The following SCCPDH variants were observed in gnomAD, a reference collection of about 807,000 sequenced individuals.
The protein encoded by SCCPDH is saccharopine dehydrogenase-like oxidoreductase.
Under a neutral mutation model 51.5 loss-of-function variants are expected in SCCPDH, and 34 were observed. The observed-to-expected ratio is 0.66, with a 90% confidence interval of 0.50 to 0.88. The LOEUF is 0.88. Among genes scored for constraint, SCCPDH ranks in the 40% least tolerant of loss-of-function variants. The pLI, the probability that SCCPDH is intolerant of heterozygous loss-of-function variation, is 0.00. For synonymous variants in SCCPDH, 187 were observed against 191.3 expected (o/e 0.98, Z 0.19); for missense variants, 464 against 527.1 (o/e 0.88, Z 1.17).
At chr1:246,760,262 T>G in intron 9 of SCCPDH, 35 bp downstream of exon 9, 1 of 1,552,710 alleles carries the variant, frequency 6.4e-7, no homozygotes, top group Non-Finnish European at 8.8e-7. Flanking sequence ...TAAAATAATA[T>G]TTTTCTTTGT....
At position 246,724,603 on chromosome 1, in the gene SCCPDH, C is replaced by A. The variant is rs1668359216; in HGVS notation, c.181C>A (p.Leu61Met). 6.7e-7 allele frequency: 1 copy of A among 1,500,410 alleles called. No homozygotes were observed. Among genetic ancestry groups the A allele is most frequent in the East Asian group, 2.9e-5 (1 of 34,790 alleles). 92.9% of individuals were successfully genotyped at this position (1,500,410 alleles called of 1,614,324 possible). ...KLQRVLEKAA[L>M]KLGRPTLSSE... is the part of the protein sequence containing the mutation. ...GCAGCGGGTGCTGGAGAAGGCGGCC[C>A]TGAAGCTGGGTACAGCGGCGGGGCG... The change falls in exon 1 of 12, where the codon CTG (leucine) becomes ATG (methionine). Residue 61 changes from leucine to methionine, a missense_variant. Coordinates refer to ENST00000366510, the MANE Select transcript of SCCPDH (RefSeq NM_016002.3).
At chr1:246,744,046 T>G (rs1288973158) in intron 4 of SCCPDH, 30 bp from the exon 5 acceptor site, 3 of 1,401,884 alleles carry the variant, frequency 2.1e-6, no homozygotes, top group Non-Finnish European at 3.0e-6. Flanking sequence ...TTATTTTATT[T>G]TGCTTTTTAC....
At chr1:246,749,034 G>T (rs778582881) in intron 5 of SCCPDH, among the ~76,000 whole-genome samples, 1 of 152,220 alleles carries the variant, frequency 6.6e-6, no homozygotes, top group Non-Finnish European at 1.5e-5. Flanking sequence ...TTAATATCAG[G>T]CTGGAGGCCA....
chr1:246,760,245 A>C lies in SCCPDH; in HGVS notation c.990+18A>C. 6.3e-7 allele frequency: 1 copy of C among 1,581,224 alleles called. No homozygotes were observed. Among genetic ancestry groups the C allele is most frequent in the Non-Finnish European group, 8.6e-7 (1 of 1,159,850 alleles). On this transcript the variant is annotated intron_variant, in intron 9 of 11. Coordinates refer to ENST00000366510, the MANE Select transcript of SCCPDH (RefSeq NM_016002.3). ...AAAAACAGGTAATTTCTTTTGTATT[A>C]AGACACTAAAATAATATTTTTCTTT...
intron 5 of SCCPDH, among the ~76,000 whole-genome samples, chr1:246,746,245 C>T (rs184623703): frequency 1.8e-3 from 277 of 152,006 alleles, no homozygotes; most frequent in Admixed American, 3.9e-3. Flanking sequence ...CTAAGGGGGT[C>T]CACGTGAGAG....
chr1:246,744,082 T>A lies in SCCPDH; in HGVS notation c.521T>A (p.Leu174Ter). ...IYTRNKMNGT[L>*]TAVESFLTIH... ...CATTCTCCTACTCTTTTAGGTACTT[T>A]GACTGCTGTGGAAAGTTTCCTGACT... The change falls in exon 5 of 12, where the codon TTG (leucine) becomes TAG (stop). Residue 174 changes from leucine to a stop codon, truncating the protein, a stop_gained. Coordinates refer to ENST00000366510, the MANE Select transcript of SCCPDH (RefSeq NM_016002.3). LOFTEE classifies it high-confidence loss of function. 1 of 1,596,398 alleles carries A rather than the reference T, an allele frequency of 6.3e-7. No homozygotes were observed. The highest frequency in any genetic ancestry group is 8.6e-7 in the Non-Finnish European group (1 of 1,165,920).
At chr1:246,726,652 GA>G (rs1036403718) in intron 1 of SCCPDH, among the ~76,000 whole-genome samples, 4 of 152,104 alleles carry the variant, frequency 2.6e-5, no homozygotes, top group African/African-American at 9.7e-5. Context: ...GCTTTGATTC[GA>G]TTTTTTTTAA....
At position 246,761,686 on chromosome 1, in the gene SCCPDH, A is replaced by G. The variant is rs191311456; in HGVS notation, c.990+1459A>G. ...GTGACTGGCTTATTTCACCTAGCGT[A>G]AGGTCTTCAAGGTTCATCCATATTG... On this transcript the variant is annotated intron_variant, in intron 9 of 11. Transcript: ENST00000366510. Among the ~76,000 whole-genome samples, 7 of 152,316 alleles carry G rather than the reference A, an allele frequency of 4.6e-5. No individual in the cohort carries two copies. In the East Asian group the frequency reaches 1.2e-3, roughly 25 times the overall value.
chr1:246,727,689 G>A (rs1668423815), intron 2 of SCCPDH, among the ~76,000 whole-genome samples: 2 of 152,190 alleles, frequency 1.3e-5, no homozygotes, highest in African/African-American at 2.4e-5. Context: ...TGAAATGAGA[G>A]CAAATTGCAT....
intron 5 of SCCPDH, among the ~76,000 whole-genome samples, chr1:246,747,459 G>A (rs1164851794): frequency 6.6e-6 from 1 of 152,168 alleles, no homozygotes; most frequent in African/African-American, 2.4e-5. Context: ...GCCAAAGCAT[G>A]TGGGTCACCT....
At chr1:246,757,545 C>G (rs992505894) in intron 5 of SCCPDH, among the ~76,000 whole-genome samples, 12 of 151,812 alleles carry the variant, frequency 7.9e-5, no homozygotes, top group African/African-American at 2.9e-4. Flanking sequence ...AAATGAGAGT[C>G]TGAGTAAGAT....
chr1:246,764,050 C>T (rs78598399), intron 9 of SCCPDH, among the ~76,000 whole-genome samples, 196 bp from the exon 10 acceptor site: 2,454 of 152,210 alleles, frequency 0.016, 64 homozygotes, highest in African/African-American at 0.057. Context: ...CCCAACATCA[C>T]GCCAGTCTTC....
intron 5 of SCCPDH, among the ~76,000 whole-genome samples, chr1:246,749,546 C>A (rs1372051256): frequency 6.6e-6 from 1 of 152,158 alleles, no homozygotes; most frequent in Non-Finnish European, 1.5e-5. Context: ...CTCTGGGGAG[C>A]AGCAGTCGTC....
In SCCPDH at chr1:246,744,108, A is replaced by G. The variant is rs141926725; in HGVS notation, c.547A>G (p.Ile183Val). The G allele has an allele frequency of 2.5e-3, 3,980 of 1,601,562 alleles. 12 individuals are homozygous for G. The highest frequency in any genetic ancestry group is 2.7e-3 in the Non-Finnish European group (3,138 of 1,170,782). ...GACTGCTGTGGAAAGTTTCCTGACT[A>G]TACATTCAGGACCTGAGGTTGGTTT... ...TLTAVESFLT[I>V]HSGPEGLSIH... Residue 183 changes from isoleucine to valine, a missense_variant, in exon 5 of 12, where the codon ATA becomes GTA. Transcript: ENST00000366510.
rs1432256931 is a variant in SCCPDH, at chr1:246,744,130, G to GT, written c.564+11dup. On this transcript the variant is annotated splice_donor_region_variant and intron_variant, in intron 5 of 11. Coordinates refer to ENST00000366510, the MANE Select transcript of SCCPDH (RefSeq NM_016002.3). ...ACTATACATTCAGGACCTGAGGTTGGTTTTTTGGTTTGTCTTGTGTTGTTT... is the reference window on the plus strand; with the variant it reads ...ACTATACATTCAGGACCTGAGGTTGGTTTTTTTGGTTTGTCTTGTGTTGTTT... The GT allele has an allele frequency of 1.9e-6, 3 of 1,579,184 alleles. No individual in the cohort carries two copies. The highest frequency in any genetic ancestry group is 1.7e-6 in the Non-Finnish European group (2 of 1,151,816).
chr1:246,754,351 AGGCAGCGG>A (rs777376510), intron 5 of SCCPDH, among the ~76,000 whole-genome samples: 52 of 152,358 alleles, frequency 3.4e-4, no homozygotes, highest in Admixed American at 8.5e-4. Context: ...CACTGCAACA[AGGCAGCGG>A]GGCATGCCTC....
chr1:246,758,597 A>C (rs1668966063), intron 6 of SCCPDH, among the ~76,000 whole-genome samples: 2 of 152,238 alleles, frequency 1.3e-5, no homozygotes, highest in South Asian at 4.1e-4. Context: ...CCATTACCAT[A>C]AGCTTAAGTA....
At chr1:246,743,312 T>C (rs7529097) in intron 4 of SCCPDH, among the ~76,000 whole-genome samples, 7,074 of 152,050 alleles carry the variant, frequency 0.047, 552 homozygotes, top group African/African-American at 0.16. Context: ...GGGCCGGGCA[T>C]GGTGGCTCAC....
At position 246,753,475 on chromosome 1, in the gene SCCPDH, T is replaced by G. The variant is rs555013717; in HGVS notation, c.565-4751T>G. 5.3e-5 allele frequency among the ~76,000 whole-genome samples: 8 copies of G among 152,044 alleles called. No homozygotes were observed. The South Asian group carries it at 1.7e-3, about 32-fold the overall frequency. ...CATTTGTTCCTTTAATCTAAAAAAT[T>G]TTATAGGTGCTTCATCTTTCCCTTG... On this transcript the variant is annotated intron_variant, in intron 5 of 11. Transcript: ENST00000366510.
Sources: gnomAD v4.1 joint callset for allele counts (sites outside exome capture counted in the v4.1 genomes callset) on GRCh38, gnomAD v4.1.1 for gene constraint, MANE v1.5 for transcripts, NCBI Gene and HGNC (gene_info 2026-07-23, HGNC 2026-07-21) for gene names.